PLS3: variants seen among roughly 807,000 people sequenced by gnomAD.
The protein encoded by PLS3 is plastin 3, also known as plastin-3.
Under a neutral mutation model 46.5 loss-of-function variants are expected in PLS3, and 11 were observed. That is an observed-to-expected ratio of 0.24 (90% CI 0.15 to 0.39). PLS3 has a LOEUF of 0.39. Ranked by LOEUF, PLS3 falls within the 10% of genes least tolerant of loss-of-function variation. The probability of loss-of-function intolerance (pLI) is 1.00; values close to 1 mark genes in which losing one functional copy is unlikely to be tolerated. For missense variants in PLS3, 308 were observed against 461.8 expected (o/e 0.67, Z 3.05); for synonymous variants, 167 against 162.2 (o/e 1.03, Z -0.22).
intron 1 of PLS3, among the ~76,000 whole-genome samples, chrX:115,604,515 A>G (rs1475963404): frequency 7.1e-5 from 8 of 112,037 alleles, no homozygotes; most frequent in Non-Finnish European, 1.5e-4. Flanking sequence ...GCTCATGGAC[A>G]CATTACTAGG....
intron 1 of PLS3, among the ~76,000 whole-genome samples, chrX:115,602,326 A>T (rs2074452990): frequency 8.9e-6 from 1 of 111,984 alleles, no homozygotes; most frequent in Non-Finnish European, 1.9e-5. Flanking sequence ...CTTGATTAAT[A>T]TAAATAAATA....
intron 8 of PLS3, chrX:115,639,654 A>G (rs1024192723): frequency 6.3e-6 from 2 of 316,277 alleles, no homozygotes; most frequent in African/African-American, 5.4e-5. Context: ...CATTCCAAAG[A>G]TGCAGGAATT....
chrX:115,627,866 A>C (rs1194773465), intron 3 of PLS3, among the ~76,000 whole-genome samples: 1 of 112,322 alleles, frequency 8.9e-6, no homozygotes, highest in African/African-American at 3.2e-5. Context: ...TGTAAAATTT[A>C]AGTGCTTACT....
chrX:115,632,786 C>T (rs1201438995), intron 5 of PLS3, among the ~76,000 whole-genome samples: 1 of 109,401 alleles, frequency 9.1e-6, no homozygotes, highest in African/African-American at 3.3e-5. Context: ...TCTTGCTGTG[C>T]AGTGATTCAA....
At chrX:115,600,021 T>G (rs1454508595) in intron 1 of PLS3, among the ~76,000 whole-genome samples, 1 of 111,596 alleles carries the variant, frequency 9.0e-6, no homozygotes, top group African/African-American at 3.3e-5. Flanking sequence ...CCTAATACAA[T>G]TTAGGGAATG....
At chrX:115,612,975 A>G (rs1370377449) in intron 2 of PLS3, among the ~76,000 whole-genome samples, 2 of 112,267 alleles carry the variant, frequency 1.8e-5, no homozygotes, top group African/African-American at 6.5e-5. Flanking sequence ...AGAAGAATAA[A>G]TAAAACCTTT....
intron 1 of PLS3, among the ~76,000 whole-genome samples, chrX:115,591,121 AG>A (rs2074342607): frequency 8.9e-6 from 1 of 112,104 alleles, no homozygotes; most frequent in African/African-American, 3.2e-5. Context: ...CCTGGGTGAC[AG>A]AGCGAGACTC....
At chrX:115,633,106 A>C (rs2074794478) in intron 5 of PLS3, among the ~76,000 whole-genome samples, 1 of 110,796 alleles carries the variant, frequency 9.0e-6, no homozygotes, top group Non-Finnish European at 1.9e-5. Flanking sequence ...AAAAAAATTG[A>C]AAGAGAAAGC....
At chrX:115,609,370 C>T (rs2074525930) in intron 1 of PLS3, among the ~76,000 whole-genome samples, 1 of 111,595 alleles carries the variant, frequency 9.0e-6, no homozygotes, top group Admixed American at 9.6e-5. Context: ...TATATTATTT[C>T]TATCAGTTTT....
At chrX:115,587,659 A>C (rs984431583) in intron 1 of PLS3, among the ~76,000 whole-genome samples, 109 of 106,366 alleles carry the variant, frequency 1.0e-3, no homozygotes, top group Non-Finnish European at 1.9e-3. Context: ...GGCGTGAACT[A>C]GGGAGGCGGA....
chrX:115,569,679 A>G (rs1556630476), intron 1 of PLS3, among the ~76,000 whole-genome samples: 1 of 111,458 alleles, frequency 9.0e-6, no homozygotes, highest in Non-Finnish European at 1.9e-5. Flanking sequence ...ATCCCTCCTG[A>G]AACTTAACCC....
chrX:115,627,363 C>G (rs2074721791), intron 3 of PLS3, among the ~76,000 whole-genome samples: 1 of 112,021 alleles, frequency 8.9e-6, no homozygotes, highest in African/African-American at 3.2e-5. Context: ...CATTCTGAAG[C>G]TGTAACACTT....
intron 1 of PLS3, among the ~76,000 whole-genome samples, chrX:115,585,628 G>A (rs782386749): frequency 9.0e-6 from 1 of 110,744 alleles, no homozygotes; most frequent in Non-Finnish European, 1.9e-5. Context: ...CTGACCTCGT[G>A]ATTTGCCCTC....
At chrX:115,587,037 A>T (rs782791393) in intron 1 of PLS3, among the ~76,000 whole-genome samples, 4 of 112,180 alleles carry the variant, frequency 3.6e-5, no homozygotes, top group Non-Finnish European at 7.5e-5. Context: ...ACATGGGCTC[A>T]TGGGGGTTAA....
At chrX:115,643,265 T>C (rs1556641237) in intron 9 of PLS3, 48 bp from the exon 10 acceptor site, 1 of 863,538 alleles carries the variant, frequency 1.2e-6, no homozygotes, top group Non-Finnish European at 1.7e-6. Flanking sequence ...AAATTTTCTA[T>C]ATTTTTAGTG....
rs934688043 is a variant in PLS3, at chrX:115,630,998, C to T, written c.500+1031C>T. On this transcript the variant is annotated intron_variant, in intron 5 of 15. Transcript: ENST00000355899. ...ATGTTATATAATATATGTATATATACGTATATAAAGTATATATTATACATA... is the reference window on the plus strand; with the variant it reads ...ATGTTATATAATATATGTATATATATGTATATAAAGTATATATTATACATA... 1.8e-4 allele frequency among the ~76,000 whole-genome samples: 16 copies of T among 91,131 alleles called. No homozygotes were observed. In the South Asian group the frequency reaches 1.9e-3, roughly 11 times the overall value. The allele number at this position is 91,131 out of a possible 115,157, so 79.1% of individuals were successfully genotyped here. A position where few individuals can be genotyped will look rare whatever the true frequency, so the allele number is the denominator to read the frequency against.
At position 115,649,585 on chromosome X, in the gene PLS3, C is replaced by T; in HGVS notation, c.*24C>T. The T allele has an allele frequency of 2.5e-6, 3 of 1,184,536 alleles. No homozygotes were observed. Among genetic ancestry groups the T allele is most frequent in the Non-Finnish European group, 3.4e-6 (3 of 876,462 alleles). On this transcript the variant is annotated 3_prime_UTR_variant, in exon 16 of 16. Transcript: ENST00000355899. Reference sequence around the variant, plus strand: ...AAAATAACCAATCTGAATAAAACAGCCATGCTCCCAGGTGCATGATTCGCA... The same window carrying T: ...AAAATAACCAATCTGAATAAAACAGTCATGCTCCCAGGTGCATGATTCGCA...
At chrX:115,630,926 TACAAA>T (rs1248802945) in intron 5 of PLS3, among the ~76,000 whole-genome samples, 8 of 96,482 alleles carry the variant, frequency 8.3e-5, no homozygotes, top group African/African-American at 2.6e-4. Context: ...TATGTATATA[TACAAA>T]ATATATATGT....
chrX:115,640,045 C>T, intron 8 of PLS3: 1 of 849,839 alleles, frequency 1.2e-6, no homozygotes, highest in Non-Finnish European at 1.7e-6. Flanking sequence ...TTTATTTTCT[C>T]TTTCTTCTAT....
Sources: allele counts gnomAD v4.1 joint callset (sites outside exome capture counted in the v4.1 genomes callset), GRCh38; gene constraint gnomAD v4.1.1; transcripts MANE v1.5; gene names NCBI Gene and HGNC (gene_info 2026-07-23, HGNC 2026-07-21).